Variants in TNIP2 observed in about 807,000 individuals in gnomAD.
The protein encoded by TNIP2 is TNFAIP3 interacting protein 2.
TNIP2 carries 30 observed loss-of-function variants against 43.7 expected under a neutral mutation model. That is an observed-to-expected ratio of 0.69 (90% CI 0.51 to 0.93). The LOEUF (loss-of-function observed/expected upper bound fraction) is 0.93. TNIP2 is among the 40% of genes least tolerant of loss of function. The pLI, the probability that TNIP2 is intolerant of heterozygous loss-of-function variation, is 0.00. For synonymous variants in TNIP2, 260 were observed against 254.6 expected (o/e 1.02, Z -0.20); for missense variants, 599 against 591.0 (o/e 1.01, Z -0.14).
At chr4:2,751,943 A>C (rs866533102) in intron 1 of TNIP2, among the ~76,000 whole-genome samples, 4 of 151,450 alleles carry the variant, frequency 2.6e-5, no homozygotes, top group African/African-American at 9.7e-5. Context: ...GCCTCTACTA[A>C]AGATACAAAA....
chr4:2,747,348 GCTC>G (rs962739164), intron 2 of TNIP2: 4 of 346,138 alleles, frequency 1.2e-5, no homozygotes, highest in Admixed American at 4.2e-5. Flanking sequence ...GCCAGGCTCA[GCTC>G]CTCCTCCTCA....
intron 1 of TNIP2, among the ~76,000 whole-genome samples, chr4:2,750,545 A>G (rs1316090947): frequency 6.6e-6 from 1 of 151,740 alleles, no homozygotes; most frequent in Non-Finnish European, 1.5e-5. Context: ...TCCCGTCTCA[A>G]CCTCCCAAAT....
At chr4:2,752,077 C>T (rs1004695268) in intron 1 of TNIP2, among the ~76,000 whole-genome samples, 1 of 148,828 alleles carries the variant, frequency 6.7e-6, no homozygotes, top group Non-Finnish European at 1.5e-5. Context: ...TGCACTCCAG[C>T]CTGGCGACAG....
Position 2,744,419 on chromosome 4 carries a change from C to G in TNIP2, c.994G>C (p.Ala332Pro). 1.2e-6 allele frequency: 2 copies of G among 1,614,240 alleles called. No homozygotes were observed. Among genetic ancestry groups the G allele is most frequent in the Non-Finnish European group, 1.7e-6 (2 of 1,180,036 alleles). ...CAGGACACCTGGTGCAGCAAAGAGG[C>G]GACCTTTTCCTCCAGTTCTTGAATC... ...SRIQELEEKV[A>P]SLLHQVSWRQ... The change falls in exon 5 of 6, where the codon GCC (alanine) becomes CCC (proline). Residue 332 changes from alanine (A) to proline (P), a missense_variant. Ala to Pro is a conservative substitution (Grantham distance 27). Coordinates refer to ENST00000315423, the MANE Select transcript of TNIP2 (RefSeq NM_024309.4). This position sits in a 1 kb window ranked among gnomAD's most constrained non-coding sequence, Gnocchi z 5.1.
In TNIP2 at chr4:2,747,657, G is replaced by C. The variant is rs760024934; in HGVS notation, c.565C>G (p.Gln189Glu). Residue 189 changes from glutamine to glutamate, a missense_variant and splice_region_variant, in exon 2 of 6, where the codon CAG becomes GAG. Coordinates refer to ENST00000315423, the MANE Select transcript of TNIP2 (RefSeq NM_024309.4). ...ACTCTGCTTACACTGTGGCCTACCT[G>C]GTCAGGACTTCTCTCCCCCACATTC... is the stretch of plus-strand genomic sequence containing the variant. ...QRNVGERSPD[Q>E]SEHTDGHTSV... 6.3e-7 allele frequency: 1 copy of C among 1,595,252 alleles called. No homozygotes were observed. Among genetic ancestry groups the C allele is most frequent in the African/African-American group, 1.3e-5 (1 of 74,818 alleles).
Position 2,752,129 on chromosome 4 carries a change from GGAAA to G in TNIP2, c.276+3881_276+3884del, listed in dbSNP as rs546331938. Among the ~76,000 whole-genome samples, 416 of 150,098 alleles carry G rather than the reference GGAAA, an allele frequency of 2.8e-3. 1 individual carries two copies. Among genetic ancestry groups the G allele is most frequent in the Middle Eastern group, 6.9e-3 (2 of 290 alleles). On this transcript the variant is annotated intron_variant, in intron 1 of 5. Coordinates refer to ENST00000315423, the MANE Select transcript of TNIP2 (RefSeq NM_024309.4). ...AAAAAAAAAAAAAAGGAACAAGGAA[GGAAA>G]GAAAGAAAAGAAGAGAAGAGAAAAG...
chr4:2,749,603 C>G (rs1722051453), intron 1 of TNIP2, among the ~76,000 whole-genome samples: 1 of 152,120 alleles, frequency 6.6e-6, no homozygotes, highest in Admixed American at 6.5e-5. Context: ...GTGGCCCCCA[C>G]AGGAAGCTGA....
intron 1 of TNIP2, among the ~76,000 whole-genome samples, chr4:2,753,280 A>C (rs986972313): frequency 6.6e-6 from 1 of 151,984 alleles, no homozygotes; most frequent in Non-Finnish European, 1.5e-5. Context: ...CTCTACAAAA[A>C]AAAAATAAAA....
chr4:2,756,176 G>A lies in TNIP2; in HGVS notation c.114C>T (p.Leu38=), dbSNP rs905024229. The change falls in exon 1 of 6, where the codon CTC becomes CTT. Residue 38 remains leucine, a synonymous_variant. Transcript: ENST00000315423. The part of the protein sequence containing the change: ...GQRLRRLQDQ[L]AARDALIARL... ...GAGCGATGAGGGCGTCGCGGGCAGC[G>A]AGCTGGTCCTGCAGGCGGCGCAGCC... 2.0e-6 allele frequency: 3 copies of A among 1,478,110 alleles called. No homozygotes were observed. Among genetic ancestry groups the A allele is most frequent in the Non-Finnish European group, 2.7e-6 (3 of 1,122,414 alleles). 91.6% of individuals were successfully genotyped at this position (1,478,110 alleles called of 1,614,324 possible).
rs1445762838 is a variant in TNIP2 at position 2,744,198 on chromosome 4, C to T, written c.1026+189G>A. ...CCTCCTCCATAACTAAACAGTATAA[C>T]AGGGAGGCTTTCCATGACCACGCCC... On this transcript the variant is annotated intron_variant, in intron 5 of 5. Coordinates refer to ENST00000315423, the MANE Select transcript of TNIP2 (RefSeq NM_024309.4). The surrounding 1 kb of genome is among the most constrained non-coding windows in gnomAD (Gnocchi z 5.1). Among the ~76,000 whole-genome samples the T allele has an allele frequency of 6.6e-6, 1 of 152,148 alleles. No individual in the cohort carries two copies. Among genetic ancestry groups the T allele is most frequent in the East Asian group, 1.9e-4 (1 of 5,190 alleles).
In TNIP2 at chr4:2,742,539, T is replaced by A. The variant is rs966551609; in HGVS notation, c.1027-19A>T. The A allele has an allele frequency of 1.2e-5, 19 of 1,541,606 alleles. No individual in the cohort carries two copies. Among genetic ancestry groups the A allele is most frequent in the Non-Finnish European group, 1.5e-5 (17 of 1,138,064 alleles). The stretch of plus-strand genomic sequence containing the variant: ...GAGAATCCTGGAGAAAAGGCAAGGG[T>A]GTATATACGTGGGCTGTGCTGACGG... On this transcript the variant is annotated intron_variant, in intron 5 of 5. Transcript: ENST00000315423.
intron 1 of TNIP2, among the ~76,000 whole-genome samples, chr4:2,749,525 C>A (rs1035225101): frequency 6.6e-6 from 1 of 152,142 alleles, no homozygotes; most frequent in Non-Finnish European, 1.5e-5. Context: ...GAGAAGACGA[C>A]CACGTGACAA....
At chr4:2,743,140 C>G (rs1721841742) in intron 5 of TNIP2, among the ~76,000 whole-genome samples, 1 of 152,234 alleles carries the variant, frequency 6.6e-6, no homozygotes, top group African/African-American at 2.4e-5. Context: ...TGAATGTGGA[C>G]TTTCCCCAGT....
chr4:2,747,651 C>CT lies in TNIP2; in HGVS notation c.567+3dup. ...CCCCACACTCTGCTTACACTGTGGC[C>CT]TACCTGGTCAGGACTTCTCTCCCCC... is the stretch of plus-strand genomic sequence containing the variant. On this transcript the variant is annotated splice_donor_region_variant and intron_variant, in intron 2 of 5. Transcript: ENST00000315423. The CT allele has an allele frequency of 6.3e-7, 1 of 1,593,520 alleles. No homozygotes were observed. The highest frequency in any genetic ancestry group is 8.5e-7 in the Non-Finnish European group (1 of 1,175,868).
chr4:2,751,430 G>A (rs1722100007), intron 1 of TNIP2, among the ~76,000 whole-genome samples: 1 of 152,186 alleles, frequency 6.6e-6, no homozygotes, highest in Non-Finnish European at 1.5e-5. Context: ...GAGGCACAGT[G>A]GCCTCTTGGC....
intron 5 of TNIP2, among the ~76,000 whole-genome samples, chr4:2,743,288 C>T (rs1721845115): frequency 2.0e-5 from 3 of 150,100 alleles, no homozygotes; most frequent in Admixed American, 2.0e-4. Flanking sequence ...CTGCAGGCCC[C>T]ACCAGGAACT....
At position 2,744,423 on chromosome 4, in the gene TNIP2, C is replaced by A. The variant is rs1442174860; in HGVS notation, c.990G>T (p.Lys330Asn). Residue 330 changes from lysine (K) to asparagine (N), a missense_variant, in exon 5 of 6, where the codon AAG (lysine) becomes AAT (asparagine). By Grantham distance (94) the Lys-to-Asn change is moderately conservative. Transcript: ENST00000315423. This position sits in a 1 kb window ranked among gnomAD's most constrained non-coding sequence, Gnocchi z 5.1. ...ACACCTGGTGCAGCAAAGAGGCGAC[C>A]TTTTCCTCCAGTTCTTGAATCCTAC... Reference protein sequence around the residue: ...AQSRIQELEEKVASLLHQVSW... With the variant: ...AQSRIQELEENVASLLHQVSW... 1.2e-6 allele frequency: 2 copies of A among 1,614,134 alleles called. No homozygotes were observed. The highest frequency in any genetic ancestry group is 2.7e-5 in the African/African-American group (2 of 74,946).
chr4:2,745,281 C>A (rs75040025), intron 3 of TNIP2, 165 bp downstream of exon 3: 1 of 638,804 alleles, frequency 1.6e-6, no homozygotes, highest in South Asian at 1.9e-5. Context: ...GGACATGTCC[C>A]GTACGTCGTT....
chr4:2,741,939 C>A lies in TNIP2; in HGVS notation c.*318G>T, dbSNP rs769641575. On this transcript the variant is annotated 3_prime_UTR_variant, in exon 6 of 6. Coordinates refer to ENST00000315423, the MANE Select transcript of TNIP2 (RefSeq NM_024309.4). Reference sequence around the variant, plus strand: ...CCTCAGGCAGCCACCCCTTTCTAGGCAGGCTGGGGGAGGGGCTGGCACACC... The same window carrying A: ...CCTCAGGCAGCCACCCCTTTCTAGGAAGGCTGGGGGAGGGGCTGGCACACC... 8.2e-6 allele frequency: 2 copies of A among 244,570 alleles called. No individual in the cohort carries two copies. The highest frequency in any genetic ancestry group is 1.6e-5 in the Non-Finnish European group (2 of 128,042). The allele number at this position is 244,570 out of a possible 1,614,324, so 15.1% of individuals were successfully genotyped here. A position where few individuals can be genotyped will look rare whatever the true frequency, so the allele number is the denominator to read the frequency against.
Sources: gnomAD v4.1 joint callset for allele counts (sites outside exome capture counted in the v4.1 genomes callset) on GRCh38, gnomAD v4.1.1 for gene constraint, Gnocchi (gnomAD v3.1) non-coding constraint, MANE v1.5 for transcripts, NCBI Gene and HGNC (gene_info 2026-07-23, HGNC 2026-07-21) for gene names.